Variants in BANP observed in about 807,000 individuals in gnomAD.
BANP encodes the protein BTG3 associated nuclear protein, also known as protein BANP.
Under a neutral mutation model 68.1 loss-of-function variants are expected in BANP, and 11 were observed. That is an observed-to-expected ratio of 0.16 (90% CI 0.10 to 0.27). The LOEUF (loss-of-function observed/expected upper bound fraction) is 0.27. Among genes scored for constraint, BANP ranks in the 10% least tolerant of loss-of-function variants. The pLI, the probability that BANP is intolerant of heterozygous loss-of-function variation, is 1.00. For missense variants in BANP, 504 were observed against 722.7 expected (o/e 0.70, Z 3.47); for synonymous variants, 329 against 303.2 (o/e 1.09, Z -0.88).
intron 11 of BANP, among the ~76,000 whole-genome samples, chr16:88,045,272 G>A (rs1176165420): frequency 6.6e-6 from 1 of 152,198 alleles, no homozygotes; most frequent in Non-Finnish European, 1.5e-5. Flanking sequence ...CCTTCTGTTG[G>A]TCATATGGTG....
intron 11 of BANP, among the ~76,000 whole-genome samples, chr16:88,052,626 C>A (rs773513316): frequency 6.6e-6 from 1 of 151,886 alleles, no homozygotes; most frequent in Non-Finnish European, 1.5e-5. Flanking sequence ...TCTCCATCAT[C>A]CTCACCATTA....
intron 3 of BANP, 128 bp downstream of exon 3, chr16:87,981,255 T>G: frequency 1.4e-6 from 1 of 710,142 alleles, no homozygotes; most frequent in East Asian, 2.7e-5. Flanking sequence ...AGATCCAAAA[T>G]CAAGATGCAG....
chr16:87,969,824 C>A (rs571622565), intron 1 of BANP, among the ~76,000 whole-genome samples: 3 of 152,200 alleles, frequency 2.0e-5, no homozygotes, highest in Admixed American at 6.5e-5. Flanking sequence ...AGCCACCACG[C>A]CTGGCCTGAC....
At chr16:88,013,223 G>A (rs1203513700) in intron 6 of BANP, among the ~76,000 whole-genome samples, 3 of 152,242 alleles carry the variant, frequency 2.0e-5, no homozygotes, top group East Asian at 3.8e-4. Flanking sequence ...TTCTGGAGAC[G>A]TCTGAGCGCC....
In BANP at chr16:88,075,554, CT is replaced by C. The variant is rs375851169; in HGVS notation, c.1522-1034del. On this transcript the variant is annotated intron_variant, in intron 13 of 13. Transcript: ENST00000682872. ...AACTAGAGTAGAAGTTGCCAGGCCTCTTCCTCCCGTGGGCTCGGCCGTGGGC... is the reference window on the plus strand; with the variant it reads ...AACTAGAGTAGAAGTTGCCAGGCCTCTCCTCCCGTGGGCTCGGCCGTGGGC... Among the ~76,000 whole-genome samples the C allele has an allele frequency of 2.0e-3, 310 of 152,234 alleles. 2 individuals are homozygous for C. Among genetic ancestry groups the C allele is most frequent in the African/African-American group, 7.2e-3 (300 of 41,530 alleles).
At chr16:87,984,002 G>C (rs529710512) in intron 3 of BANP, 58 bp from the exon 4 acceptor site, 4 of 1,558,642 alleles carry the variant, frequency 2.6e-6, no homozygotes, top group Non-Finnish European at 1.7e-6. Context: ...TGTTTCTTGG[G>C]GTTGTCTTCT....
rs985552505 is a variant in BANP at position 88,004,242 on chromosome 16, G to A, written c.363-53G>A. The A allele has an allele frequency of 8.3e-6, 9 of 1,079,626 alleles. No homozygotes were observed. Among genetic ancestry groups the A allele is most frequent in the Non-Finnish European group, 1.2e-5 (9 of 721,196 alleles). 66.9% of individuals were successfully genotyped at this position (1,079,626 alleles called of 1,614,324 possible). On this transcript the variant is annotated intron_variant, in intron 4 of 13. Transcript: ENST00000682872. The surrounding 1 kb of genome is among the most constrained non-coding windows in gnomAD (Gnocchi z 7.0). The stretch of plus-strand genomic sequence containing the variant: ...AATGACTCTTATGTGCTCTTACCAT[G>A]AATGTTGTTGTTTTAAGGCCTTCTT...
intron 5 of BANP, among the ~76,000 whole-genome samples, 186 bp from the exon 6 acceptor site, chr16:88,005,904 C>A (rs1240047994): frequency 6.6e-6 from 1 of 152,220 alleles, no homozygotes; most frequent in African/African-American, 2.4e-5. Flanking sequence ...TATACAGTTT[C>A]TTTCAGCCCC....
chr16:88,026,373 G>A (rs1391277785), intron 7 of BANP, among the ~76,000 whole-genome samples: 3 of 152,164 alleles, frequency 2.0e-5, no homozygotes, highest in Non-Finnish European at 2.9e-5. Context: ...AGCAAGCCCC[G>A]GACCTGAGCA....
chr16:88,054,605 C>T (rs2084495568), intron 11 of BANP, among the ~76,000 whole-genome samples: 1 of 152,234 alleles, frequency 6.6e-6, no homozygotes, highest in African/African-American at 2.4e-5. Flanking sequence ...GCACCAGCAC[C>T]AGCACCGTCA....
At chr16:87,971,148 A>C (rs11645701) in intron 1 of BANP, among the ~76,000 whole-genome samples, 1 of 152,016 alleles carries the variant, frequency 6.6e-6, no homozygotes, top group Admixed American at 6.5e-5. Context: ...CATTGTGAAC[A>C]TTGTAACATT....
intron 4 of BANP, among the ~76,000 whole-genome samples, chr16:87,990,992 G>C (rs2065764907): frequency 6.6e-6 from 1 of 152,172 alleles, no homozygotes; most frequent in Non-Finnish European, 1.5e-5. Flanking sequence ...TCGATCTCCT[G>C]ACCTCATGAT....
At chr16:87,988,660 G>C (rs1340549596) in intron 4 of BANP, among the ~76,000 whole-genome samples, 2 of 152,180 alleles carry the variant, frequency 1.3e-5, no homozygotes, top group African/African-American at 4.8e-5. Flanking sequence ...GGGGTTCCCA[G>C]GGCTCACTCC....
chr16:87,978,599 C>T (rs1447705918), intron 2 of BANP: 1 of 469,986 alleles, frequency 2.1e-6, no homozygotes, highest in East Asian at 6.9e-5. Flanking sequence ...GATGCGCTCC[C>T]TGCCTGTGAG....
At chr16:87,980,478 G>T (rs1280279144) in intron 2 of BANP, 1 of 153,410 alleles carries the variant, frequency 6.5e-6, no homozygotes, top group African/African-American at 2.4e-5. Flanking sequence ...ATCACCTGAC[G>T]CTTGCTGTGT....
intron 13 of BANP, 149 bp downstream of exon 13, chr16:88,072,361 C>A: frequency 2.2e-6 from 2 of 926,982 alleles, no homozygotes; most frequent in Non-Finnish European, 1.6e-6. Flanking sequence ...GAGGGTTCTA[C>A]GTCTCACACT....
intron 1 of BANP, among the ~76,000 whole-genome samples, chr16:87,966,437 A>G (rs2060035816): frequency 1.3e-5 from 2 of 152,220 alleles, no homozygotes; most frequent in African/African-American, 4.8e-5. Flanking sequence ...TTGCCAAAAT[A>G]GCAACCACAG....
At position 87,969,230 on chromosome 16, in the gene BANP, T is replaced by TTTG. The variant is rs72032414; in HGVS notation, c.-68-5791_-68-5789dup. 4.6e-4 allele frequency among the ~76,000 whole-genome samples: 69 copies of TTTG among 150,584 alleles called. 1 individual carries two copies. Among genetic ancestry groups the TTTG allele is most frequent in the South Asian group, 2.7e-3 (13 of 4,780 alleles). ...TGCTAAAAACAATGCCTTACGTTGT[T>TTTG]TTGTTGTTGTTGTTGTTGTTGTTGT... is the stretch of plus-strand genomic sequence containing the variant. On this transcript the variant is annotated intron_variant, in intron 1 of 13. Coordinates refer to ENST00000682872, the MANE Select transcript of BANP (RefSeq NM_001386991.1).
At chr16:88,030,448 A>G (rs2077924449) in intron 8 of BANP, among the ~76,000 whole-genome samples, 1 of 152,258 alleles carries the variant, frequency 6.6e-6, no homozygotes, top group Non-Finnish European at 1.5e-5. Flanking sequence ...TGTTTCGGGT[A>G]CGTGCATTTG....
Sources: allele counts gnomAD v4.1 joint callset (sites outside exome capture counted in the v4.1 genomes callset), GRCh38; gene constraint gnomAD v4.1.1; non-coding constraint Gnocchi (gnomAD v3.1); transcripts MANE v1.5; gene names NCBI Gene and HGNC (gene_info 2026-07-23, HGNC 2026-07-21).